Variants in RIOK1 observed in about 807,000 individuals in gnomAD.
The protein encoded by RIOK1 is serine/threonine-protein kinase RIO1.
RIOK1 carries 66 observed loss-of-function variants against 73.5 expected under a neutral mutation model. The ratio of observed to expected loss-of-function variants is 0.90; its 90% CI spans 0.74 to 1.10. The LOEUF (loss-of-function observed/expected upper bound fraction) is 1.10, where lower values mean the gene tolerates loss of function less well. Among genes scored for constraint, RIOK1 ranks in the 50% least tolerant of loss-of-function variants. The pLI, the probability that RIOK1 is intolerant of heterozygous loss-of-function variation, is 0.00. For synonymous variants in RIOK1, 224 were observed against 226.8 expected, an observed-to-expected ratio of 0.99 and a Z score of 0.11; for missense variants, 658 against 699.8, an observed-to-expected ratio of 0.94 and a Z score of 0.67.
chr6:7,392,044 C>G (rs896908432), intron 1 of RIOK1, among the ~76,000 whole-genome samples: 3 of 152,174 alleles, frequency 2.0e-5, no homozygotes, highest in East Asian at 3.9e-4. Context: ...TTTATGGTTT[C>G]TGTCCTTTTC....
In RIOK1 at chr6:7,389,921, C is replaced by T. The variant is rs1761282505; in HGVS notation, c.-82C>T. Reference sequence around the variant, plus strand: ...TGCAAGGCGGATATCCACGCCAAGGCCTTTGGATCGGCCGTGGGTACATCC... The same window carrying T: ...TGCAAGGCGGATATCCACGCCAAGGTCTTTGGATCGGCCGTGGGTACATCC... On this transcript the variant is annotated 5_prime_UTR_variant, in exon 1 of 17. Transcript: ENST00000379834. 4.6e-6 allele frequency: 5 copies of T among 1,097,042 alleles called. No homozygotes were observed. The East Asian group carries it at 1.3e-4, about 29-fold the overall frequency. 68.0% of individuals were successfully genotyped at this position (1,097,042 alleles called of 1,614,324 possible).
intron 13 of RIOK1, 30 bp from the exon 14 acceptor site, chr6:7,411,302 A>T: frequency 6.2e-7 from 1 of 1,611,004 alleles, no homozygotes; most frequent in Non-Finnish European, 8.5e-7. Context: ...TATGAATAAC[A>T]GTTTTGATTT....
intron 4 of RIOK1, 120 bp downstream of exon 4, chr6:7,396,892 GGTGTGTGTGTGT>G (rs150425917): frequency 2.4e-6 from 1 of 415,786 alleles, no homozygotes; most frequent in Non-Finnish European, 4.3e-6. Context: ...TCATTATTTT[GGTGTGTGTGTGT>G]GTGTGTGTGT....
intron 12 of RIOK1, 126 bp downstream of exon 12, chr6:7,405,481 G>T (rs1195476345): frequency 1.7e-6 from 1 of 589,364 alleles, no homozygotes; most frequent in Non-Finnish European, 3.0e-6. Flanking sequence ...TATCTGCCTT[G>T]TACTTACCCT....
At position 7,417,419 on chromosome 6, in the gene RIOK1, C is replaced by T. The variant is rs1167659262; in HGVS notation, c.1685C>T (p.Ala562Val). ...KHVKKRKEKT[A>V]KTKKGK ...GTGAAAAAAAGAAAGGAGAAGACAG[C>T]CAAGACGAAAAAAGGCAAATAGAAT... Residue 562 changes from alanine to valine, a missense_variant, in exon 17 of 17, where the codon GCC (alanine) becomes GTC (valine). By Grantham distance (64) the Ala-to-Val change is moderately conservative. Coordinates refer to ENST00000379834, the MANE Select transcript of RIOK1 (RefSeq NM_031480.3). The T allele has an allele frequency of 3.2e-6, 5 of 1,558,912 alleles. No individual in the cohort carries two copies. The highest frequency in any genetic ancestry group is 4.0e-5 in the Admixed American group (2 of 49,794).
intron 3 of RIOK1, 97 bp downstream of exon 3, chr6:7,395,240 G>A (rs754605277): frequency 5.0e-5 from 69 of 1,389,174 alleles, no homozygotes; most frequent in African/African-American, 3.7e-4. Flanking sequence ...AAGGCTGGCC[G>A]TGGTGGCTCA....
At chr6:7,394,021 C>T (rs181674388) in intron 2 of RIOK1, among the ~76,000 whole-genome samples, 1 of 152,352 alleles carries the variant, frequency 6.6e-6, no homozygotes, top group African/African-American at 2.4e-5. Flanking sequence ...AAACCACGTA[C>T]AGCTGCTGCT....
At chr6:7,399,807 C>T (rs1208738311) in intron 5 of RIOK1, among the ~76,000 whole-genome samples, 1 of 152,188 alleles carries the variant, frequency 6.6e-6, no homozygotes, top group Non-Finnish European at 1.5e-5. Context: ...AGTGCCTTTT[C>T]ATTCTTCTCT....
rs1426867096 is a variant in RIOK1, at chr6:7,405,370, G to A, written c.1203+15G>A. The A allele has an allele frequency of 1.4e-6, 2 of 1,429,014 alleles. No individual in the cohort carries two copies. Among genetic ancestry groups the A allele is most frequent in the African/African-American group, 1.4e-5 (1 of 71,436 alleles). The allele number at this position is 1,429,014 out of a possible 1,614,324, so 88.5% of individuals were successfully genotyped here. On this transcript the variant is annotated intron_variant, in intron 12 of 16. Transcript: ENST00000379834. ...ATCTCTCAAAGGTAAGATGGGGAGA[G>A]GAAGGAGGAATAGGAAATAGCAGTA...
At chr6:7,390,176 C>G (rs1761293688) in intron 1 of RIOK1, 103 bp downstream of exon 1, 1 of 924,062 alleles carries the variant, frequency 1.1e-6, no homozygotes, top group Admixed American at 2.8e-5. Flanking sequence ...ACTAGTGGTT[C>G]ATCACTCAGC....
chr6:7,400,484 A>T (rs777424040), intron 5 of RIOK1, among the ~76,000 whole-genome samples: 2 of 152,198 alleles, frequency 1.3e-5, no homozygotes, highest in South Asian at 4.1e-4. Flanking sequence ...CGGAGTTTGG[A>T]GACTTAGTGT....
Position 7,404,569 on chromosome 6 carries a change from G to T in RIOK1, c.992+14G>T, listed in dbSNP as rs755734009. Reference sequence around the variant, plus strand: ...ATTTAACATGCTGTGAGTGTATTTTGTCTCTTAAGAACTGCCTGTCAGTTG... The same window carrying T: ...ATTTAACATGCTGTGAGTGTATTTTTTCTCTTAAGAACTGCCTGTCAGTTG... On this transcript the variant is annotated intron_variant, in intron 10 of 16. Coordinates refer to ENST00000379834, the MANE Select transcript of RIOK1 (RefSeq NM_031480.3). The T allele has an allele frequency of 1.9e-6, 3 of 1,612,790 alleles. No homozygotes were observed. The highest frequency in any genetic ancestry group is 8.5e-7 in the Non-Finnish European group (1 of 1,179,220).
In RIOK1 at chr6:7,402,621, A is replaced by G. The variant is rs56362051; in HGVS notation, c.592A>G (p.Ser198Gly). The change falls in exon 7 of 17, where the codon AGC becomes GGC. Residue 198 changes from serine to glycine, a missense_variant. By Grantham distance (56) the Ser-to-Gly change is moderately conservative. Coordinates refer to ENST00000379834, the MANE Select transcript of RIOK1 (RefSeq NM_031480.3). The part of the protein sequence containing the change: ...TGKEANVYHA[S>G]TANGESRAIK... ...AATATAGGCTAATGTATACCATGCT[A>G]GCACAGCAAATGGAGAGAGCAGAGC... is the stretch of plus-strand genomic sequence containing the variant. 5.6e-6 allele frequency: 9 copies of G among 1,607,180 alleles called. No homozygotes were observed. The highest frequency in any genetic ancestry group is 7.6e-6 in the Non-Finnish European group (9 of 1,177,574).
chr6:7,406,782 C>G (rs1156994107), intron 12 of RIOK1, among the ~76,000 whole-genome samples: 1 of 152,032 alleles, frequency 6.6e-6, no homozygotes, highest in Admixed American at 6.6e-5. Flanking sequence ...ACCCTGGCCT[C>G]CCTGAGTAGC....
chr6:7,411,551 T>C lies in RIOK1; in HGVS notation c.1389+100T>C, dbSNP rs373222504. On this transcript the variant is annotated intron_variant, in intron 14 of 16. Transcript: ENST00000379834. Reference sequence around the variant, plus strand: ...TTTTAAGTTCCCCTAATCTTGAATATTGGCTTCTGAGCTAGTGAAATGACT... The same window carrying C: ...TTTTAAGTTCCCCTAATCTTGAATACTGGCTTCTGAGCTAGTGAAATGACT... 85 of 1,276,838 alleles carry C rather than the reference T, an allele frequency of 6.7e-5. 1 individual carries two copies. The East Asian group carries it at 1.6e-3, about 24-fold the overall frequency. 79.1% of individuals were successfully genotyped at this position (1,276,838 alleles called of 1,614,324 possible).
chr6:7,396,535 C>CT lies in RIOK1; in HGVS notation c.368-164dup, dbSNP rs532332295. 1.3e-3 allele frequency among the ~76,000 whole-genome samples: 204 copies of CT among 152,248 alleles called. 1 individual carries two copies. The highest frequency in any genetic ancestry group is 2.4e-3 in the Non-Finnish European group (166 of 68,000). ...CGAAGGAAACGCAGTTTAGTGCCTA[C>CT]TTTTAAAAACATTACATTGTTTTCA... On this transcript the variant is annotated intron_variant, in intron 3 of 16. Transcript: ENST00000379834.
At chr6:7,397,580 T>C (rs1387265317) in intron 4 of RIOK1, among the ~76,000 whole-genome samples, 1 of 152,230 alleles carries the variant, frequency 6.6e-6, no homozygotes, top group Non-Finnish European at 1.5e-5. Flanking sequence ...TAAAGTATTA[T>C]CACTATATTA....
intron 5 of RIOK1, among the ~76,000 whole-genome samples, chr6:7,399,130 A>G (rs1561875947): frequency 6.6e-6 from 1 of 152,176 alleles, no homozygotes; most frequent in African/African-American, 2.4e-5. Context: ...TCAAATTTCC[A>G]GTTAGGAATC....
At chr6:7,409,065 C>G (rs1449147853) in intron 12 of RIOK1, among the ~76,000 whole-genome samples, 1 of 151,902 alleles carries the variant, frequency 6.6e-6, no homozygotes, top group Non-Finnish European at 1.5e-5. Context: ...CTCTTGTCAC[C>G]CAGGCTGGAG....
Sources: gnomAD v4.1 joint callset for allele counts (sites outside exome capture counted in the v4.1 genomes callset) on GRCh38, gnomAD v4.1.1 for gene constraint, MANE v1.5 for transcripts, NCBI Gene and HGNC (gene_info 2026-07-23, HGNC 2026-07-21) for gene names.